ADGRB3: variants seen among roughly 807,000 people sequenced by gnomAD.
ADGRB3 encodes adhesion G protein-coupled receptor B3.
ADGRB3 carries 37 observed loss-of-function variants against 193.4 expected under a neutral mutation model. That is an observed-to-expected ratio of 0.19 (90% CI 0.15 to 0.25). The LOEUF is 0.25. ADGRB3 is among the 10% of genes least tolerant of loss of function. The pLI is 1.00. For synonymous variants in ADGRB3, 690 were observed against 644.2 expected (o/e 1.07, Z -1.08); for missense variants, 1,637 against 1,852.9 (o/e 0.88, Z 2.14).
chr6:69,225,966 T>C (rs1766004858), intron 17 of ADGRB3, among the ~76,000 whole-genome samples: 1 of 152,216 alleles, frequency 6.6e-6, no homozygotes. Context: ...AAGATACTTA[T>C]ACATATTTAT....
intron 3 of ADGRB3, among the ~76,000 whole-genome samples, chr6:68,818,429 C>A (rs951914451): frequency 3.3e-5 from 5 of 152,020 alleles, no homozygotes; most frequent in South Asian, 2.1e-4. Flanking sequence ...CCTTCCCAAC[C>A]CTCCATCCAG....
At chr6:68,674,442 T>C (rs1210253955) in intron 3 of ADGRB3, among the ~76,000 whole-genome samples, 1 of 152,158 alleles carries the variant, frequency 6.6e-6, no homozygotes, top group African/African-American at 2.4e-5. Flanking sequence ...GTACTAGATG[T>C]CACAGGGGAA....
intron 3 of ADGRB3, among the ~76,000 whole-genome samples, chr6:68,859,826 G>A (rs183452769): frequency 2.6e-5 from 4 of 152,190 alleles, no homozygotes; most frequent in Middle Eastern, 3.4e-3. Flanking sequence ...AGCTATGATA[G>A]GCCAATAATT....
At chr6:68,663,033 T>C (rs1310718922) in intron 3 of ADGRB3, among the ~76,000 whole-genome samples, 3 of 151,292 alleles carry the variant, frequency 2.0e-5, no homozygotes, top group Non-Finnish European at 4.4e-5. Flanking sequence ...CAATGTTATA[T>C]GGAAGTCAGC....
intron 17 of ADGRB3, among the ~76,000 whole-genome samples, chr6:69,095,187 A>G (rs747857153): frequency 6.6e-6 from 1 of 152,206 alleles, no homozygotes; most frequent in Non-Finnish European, 1.5e-5. Context: ...GGTTATTCTA[A>G]CATTTAAAAA....
intron 3 of ADGRB3, among the ~76,000 whole-genome samples, chr6:68,926,946 T>C (rs577376527): frequency 6.6e-6 from 1 of 152,276 alleles, no homozygotes; most frequent in South Asian, 2.1e-4. Context: ...TTAAAATTTT[T>C]CTTTCATGTA....
At chr6:68,971,907 G>A (rs993591314) in intron 8 of ADGRB3, among the ~76,000 whole-genome samples, 11 of 152,142 alleles carry the variant, frequency 7.2e-5, no homozygotes, top group Admixed American at 2.0e-4. Flanking sequence ...TCTTCCTGAC[G>A]CTGCTGCTGC....
intron 20 of ADGRB3, among the ~76,000 whole-genome samples, chr6:69,290,878 A>G (rs546271689): frequency 2.0e-4 from 30 of 152,298 alleles, no homozygotes; most frequent in African/African-American, 7.0e-4. Flanking sequence ...CTTTACTCAA[A>G]ATAAGTTTTC....
chr6:68,716,335 A>C (rs1478661618), intron 3 of ADGRB3, among the ~76,000 whole-genome samples: 2 of 151,690 alleles, frequency 1.3e-5, no homozygotes, highest in Admixed American at 1.3e-4. Flanking sequence ...TCTAATTGGA[A>C]AGATTGAATT....
At chr6:69,006,537 G>A (rs955157441) in intron 11 of ADGRB3, among the ~76,000 whole-genome samples, 1 of 149,278 alleles carries the variant, frequency 6.7e-6, no homozygotes, top group Admixed American at 6.7e-5. Context: ...ATGGAGTCTC[G>A]CTCTGTCACC....
intron 3 of ADGRB3, among the ~76,000 whole-genome samples, chr6:68,909,392 T>C (rs1198540516): frequency 1.3e-5 from 2 of 152,224 alleles, no homozygotes; most frequent in Non-Finnish European, 2.9e-5. Flanking sequence ...ATTTTCAATC[T>C]GAGCTCTCTA....
At chr6:68,683,337 C>G (rs1259595694) in intron 3 of ADGRB3, among the ~76,000 whole-genome samples, 1 of 151,754 alleles carries the variant, frequency 6.6e-6, no homozygotes, top group East Asian at 1.9e-4. Flanking sequence ...AAACATCTGG[C>G]AATAATTAAA....
At chr6:68,909,429 C>A (rs1364450971) in intron 3 of ADGRB3, among the ~76,000 whole-genome samples, 3 of 152,134 alleles carry the variant, frequency 2.0e-5, no homozygotes, top group Non-Finnish European at 4.4e-5. Flanking sequence ...GACACTATTA[C>A]TTTATCTTCT....
intron 3 of ADGRB3, among the ~76,000 whole-genome samples, chr6:68,865,372 T>C (rs1166540619): frequency 6.6e-6 from 1 of 152,142 alleles, no homozygotes; most frequent in Non-Finnish European, 1.5e-5. Context: ...TCTGAAGTTA[T>C]AAGGGAAGGG....
At chr6:68,699,963 C>G (rs1157840894) in intron 3 of ADGRB3, among the ~76,000 whole-genome samples, 1 of 152,094 alleles carries the variant, frequency 6.6e-6, no homozygotes, top group East Asian at 1.9e-4. Flanking sequence ...TGACTCAAAT[C>G]ATTCCTTTAT....
chr6:68,853,942 A>G (rs1768456984), intron 3 of ADGRB3, among the ~76,000 whole-genome samples: 1 of 152,096 alleles, frequency 6.6e-6, no homozygotes. Context: ...TGCGAAGGGA[A>G]TTTTCTTTGA....
chr6:68,995,288 G>A (rs1289915344), intron 11 of ADGRB3, among the ~76,000 whole-genome samples: 2 of 152,100 alleles, frequency 1.3e-5, no homozygotes, highest in African/African-American at 4.8e-5. Context: ...AGCATTTAAA[G>A]TCTTTGACAC....
chr6:68,795,220 T>G (rs1288006182), intron 3 of ADGRB3, among the ~76,000 whole-genome samples: 1 of 151,942 alleles, frequency 6.6e-6, no homozygotes, highest in African/African-American at 2.4e-5. Flanking sequence ...CTTATCACTT[T>G]AATAATCACA....
intron 8 of ADGRB3, among the ~76,000 whole-genome samples, chr6:68,972,848 C>T (rs1027998367): frequency 8.5e-5 from 13 of 152,082 alleles, no homozygotes; most frequent in African/African-American, 3.1e-4. Flanking sequence ...TGGAGAATGG[C>T]TTAAGATGCT....
Sources: allele counts gnomAD v4.1 joint callset (sites outside exome capture counted in the v4.1 genomes callset), GRCh38; gene constraint gnomAD v4.1.1; transcripts MANE v1.5; gene names NCBI Gene and HGNC (gene_info 2026-07-23, HGNC 2026-07-21).